Variants in GGTA1 observed in about 807,000 individuals in gnomAD.
GGTA1 encodes glycoprotein alpha-galactosyltransferase 1 (inactive), also known as inactive N-acetyllactosaminide alpha-1,3-galactosyltransferase.
In GGTA1, 5 loss-of-function variants were observed where a neutral mutation model predicts 2.6. The ratio of observed to expected loss-of-function variants is 1.92; its 90% CI spans 1.00 to 4.04. GGTA1 has a LOEUF of 4.04. GGTA1 is among the 30% of genes most tolerant of loss of function. GGTA1 has a pLI of 0.00. For missense variants in GGTA1, 50 were observed against 16.7 expected, an observed-to-expected ratio of 2.99 and a Z score of -3.47; for synonymous variants, 17 against 5.0, an observed-to-expected ratio of 3.38 and a Z score of -3.19.
intron 1 of GGTA1, among the ~76,000 whole-genome samples, chr9:121,468,200 C>T (rs567014614): frequency 7.9e-5 from 12 of 152,200 alleles, no homozygotes; most frequent in South Asian, 2.1e-4. Context: ...CCCCGGTGTG[C>T]GATGTTCCCC....
At chr9:121,451,021 C>T (rs906427967), downstream of GGTA1, among the ~76,000 whole-genome samples, 17 of 151,520 alleles carry the variant, frequency 1.1e-4, no homozygotes, top group Non-Finnish European at 2.4e-4. Flanking sequence ...GCAAAGGAAT[C>T]GACTTTCCAT....
At chr9:121,469,015 C>T (rs1007533084) in intron 1 of GGTA1, among the ~76,000 whole-genome samples, 2 of 152,152 alleles carry the variant, frequency 1.3e-5, no homozygotes, top group African/African-American at 2.4e-5. Flanking sequence ...TAGGCCCCAT[C>T]CACTTCCCAG....
chr9:121,466,357 C>G (rs2065005091), intron 2 of GGTA1, among the ~76,000 whole-genome samples: 2 of 152,150 alleles, frequency 1.3e-5, no homozygotes, highest in African/African-American at 4.8e-5. Flanking sequence ...GTTCCAGGGT[C>G]CCCACACAAA....
At chr9:121,474,334 G>A (rs575716817) in intron 1 of GGTA1, among the ~76,000 whole-genome samples, 15 of 152,268 alleles carry the variant, frequency 9.9e-5, no homozygotes, top group South Asian at 2.1e-4. Context: ...AGAACTCAGC[G>A]CCTGCACTGC....
At chr9:121,491,730 C>T (rs953020726) in intron 1 of GGTA1, among the ~76,000 whole-genome samples, 1 of 152,128 alleles carries the variant, frequency 6.6e-6, no homozygotes. Flanking sequence ...ATGCCTCAGC[C>T]TCCTGAGTAG....
chr9:121,486,288 G>A (rs1262055587), intron 1 of GGTA1, among the ~76,000 whole-genome samples: 1 of 152,226 alleles, frequency 6.6e-6, no homozygotes, highest in African/African-American at 2.4e-5. Flanking sequence ...CAGTGTGGGA[G>A]GAGGACACTG....
chr9:121,467,322 A>C (rs1375463807), intron 2 of GGTA1, among the ~76,000 whole-genome samples: 5 of 147,518 alleles, frequency 3.4e-5, no homozygotes, highest in Admixed American at 6.6e-5. Flanking sequence ...AGTTAAACAC[A>C]CACACACACC....
intron 1 of GGTA1, among the ~76,000 whole-genome samples, chr9:121,487,975 C>T (rs1372493656): frequency 6.6e-6 from 1 of 152,170 alleles, no homozygotes. Context: ...CTCAGCCTCC[C>T]AAAGTGCTGG....
Position 121,455,213 on chromosome 9 carries a change from A to G in GGTA1, c.*624T>C, listed in dbSNP as rs1488531929. ...TAAACCAGAAACCAAAAACCAAAAA[A>G]CACCCACACAGCTGTCTTATACTTC... On this transcript the variant is annotated 3_prime_UTR_variant, in exon 6 of 6. Coordinates refer to ENST00000481799, the MANE Select transcript of GGTA1 (RefSeq NM_001382585.1). 6.6e-6 allele frequency: 1 copy of G among 152,096 alleles called. No individual in the cohort carries two copies. Among genetic ancestry groups the G allele is most frequent in the Non-Finnish European group, 1.5e-5 (1 of 68,030 alleles). The allele number at this position is 152,096 out of a possible 1,614,324, so 9.4% of individuals were successfully genotyped here. A position where few individuals can be genotyped will look rare whatever the true frequency, so the allele number is the denominator to read the frequency against.
rs1014094613 is a variant in GGTA1 at position 121,461,244 on chromosome 9, C to T, written c.182+8G>A. On this transcript the variant is annotated splice_region_variant and intron_variant, in intron 4 of 5. Coordinates refer to ENST00000481799, the MANE Select transcript of GGTA1 (RefSeq NM_001382585.1). ...GGGCAAACACCGACTGCTGTCTGAT[C>T]GCCTTACCCATTGTTAAACCAGCTC... 24 of 456,328 alleles carry T rather than the reference C, an allele frequency of 5.3e-5. 1 individual carries two copies. Among genetic ancestry groups the T allele is most frequent in the Admixed American group, 1.9e-4 (8 of 42,466 alleles). The allele number at this position is 456,328 out of a possible 1,614,324, so 28.3% of individuals were successfully genotyped here. A position where few individuals can be genotyped will look rare whatever the true frequency, so the allele number is the denominator to read the frequency against.
chr9:121,488,540 C>A (rs1016733800), intron 1 of GGTA1, among the ~76,000 whole-genome samples: 2 of 152,122 alleles, frequency 1.3e-5, no homozygotes, highest in African/African-American at 2.4e-5. Flanking sequence ...CATGGTGAAA[C>A]CCTGTCTTGG....
chr9:121,484,814 C>T (rs540704780), intron 1 of GGTA1, among the ~76,000 whole-genome samples: 4 of 152,318 alleles, frequency 2.6e-5, no homozygotes, highest in African/African-American at 9.6e-5. Context: ...GAGTGATCCT[C>T]CTCTCTAAGA....
intron 1 of GGTA1, among the ~76,000 whole-genome samples, chr9:121,496,200 A>C (rs1828989009): frequency 6.6e-6 from 1 of 152,348 alleles, no homozygotes; most frequent in South Asian, 2.1e-4. Flanking sequence ...CATGCTGCAT[A>C]ACAAACAACC....
intron 3 of GGTA1, chr9:121,462,553 CAA>C (rs1249995541): frequency 1.3e-5 from 2 of 152,126 alleles, no homozygotes; most frequent in Admixed American, 1.3e-4. Flanking sequence ...ATAAAAAACA[CAA>C]GAGAGAACAG....
chr9:121,465,996 G>A (rs1374660704), intron 2 of GGTA1, among the ~76,000 whole-genome samples: 2 of 152,084 alleles, frequency 1.3e-5, no homozygotes, highest in African/African-American at 4.8e-5. Context: ...GCTCACTGCA[G>A]CCTCAACCTC....
intron 7 of GGTA1, among the ~76,000 whole-genome samples, chr9:121,447,951 G>C (rs979997276): frequency 1.3e-5 from 2 of 152,166 alleles, no homozygotes; most frequent in African/African-American, 2.4e-5. Flanking sequence ...GAGCCAGCCA[G>C]TCCAAGAGAG....
downstream of GGTA1, among the ~76,000 whole-genome samples, chr9:121,452,512 T>A (rs1443138543): frequency 2.6e-5 from 4 of 151,972 alleles, no homozygotes; most frequent in Admixed American, 2.0e-4. Context: ...ATCTTTTTTT[T>A]TTATTTTTAT....
At chr9:121,490,854 G>A (rs1422537994) in intron 1 of GGTA1, among the ~76,000 whole-genome samples, 4 of 152,136 alleles carry the variant, frequency 2.6e-5, no homozygotes, top group East Asian at 1.9e-4. Flanking sequence ...GCATACAACC[G>A]TGACCTCTGG....
intron 2 of GGTA1, among the ~76,000 whole-genome samples, chr9:121,466,999 T>A (rs1194865634): frequency 6.6e-6 from 1 of 150,646 alleles, no homozygotes; most frequent in African/African-American, 2.4e-5. Flanking sequence ...CGAATGTTAA[T>A]CCAGGCTACC....
Sources: allele counts gnomAD v4.1 joint callset (sites outside exome capture counted in the v4.1 genomes callset), GRCh38; gene constraint gnomAD v4.1.1; transcripts MANE v1.5; gene names NCBI Gene and HGNC (gene_info 2026-07-23, HGNC 2026-07-21).